ERMP1: variants seen among roughly 807,000 people sequenced by gnomAD.
ERMP1 encodes Felix-ina.
ERMP1 carries 86 observed loss-of-function variants against 92.0 expected under a neutral mutation model. That is an observed-to-expected ratio of 0.93 (90% CI 0.79 to 1.12). The LOEUF is 1.12. Among genes scored for constraint, ERMP1 ranks in the 50% most tolerant of loss-of-function variants. The pLI, the probability that ERMP1 is intolerant of heterozygous loss-of-function variation, is 0.00. For missense variants in ERMP1, 1,342 were observed against 1,116.3 expected, an observed-to-expected ratio of 1.20 and a Z score of -2.88; for synonymous variants, 530 against 412.8, an observed-to-expected ratio of 1.28 and a Z score of -3.44.
At chr9:5,859,086 G>A (rs543390866) in intron 6 of ERMP1, among the ~76,000 whole-genome samples, 26 of 152,346 alleles carry the variant, frequency 1.7e-4, no homozygotes, top group African/African-American at 5.8e-4. Flanking sequence ...CTAGCAAGAG[G>A]TGAATTTAGA....
intron 2 of ERMP1, among the ~76,000 whole-genome samples, chr9:5,829,777 C>T (rs1224517424): frequency 1.3e-5 from 2 of 152,216 alleles, no homozygotes; most frequent in Non-Finnish European, 2.9e-5. Context: ...ACTCCTGTAT[C>T]AAATGAGGGG....
At chr9:5,801,445 C>G in intron 10 of ERMP1, 117 bp from the exon 11 acceptor site, 2 of 913,266 alleles carry the variant, frequency 2.2e-6, no homozygotes. Flanking sequence ...GAAAATTTAT[C>G]AGCAGGTGCT....
At chr9:5,821,049 C>T (rs894438747) in intron 4 of ERMP1, among the ~76,000 whole-genome samples, 2 of 152,166 alleles carry the variant, frequency 1.3e-5, no homozygotes, top group Non-Finnish European at 2.9e-5. Context: ...GGGAAATAAT[C>T]TCTTCAAATC....
intron 13 of ERMP1, among the ~76,000 whole-genome samples, chr9:5,796,716 G>C (rs866528619): frequency 6.6e-6 from 1 of 152,136 alleles, no homozygotes; most frequent in African/African-American, 2.4e-5. Context: ...TTGCTAAGGA[G>C]AGTGGGAAGA....
intron 6 of ERMP1, among the ~76,000 whole-genome samples, chr9:5,853,718 G>T (rs1166359191): frequency 6.6e-6 from 1 of 151,186 alleles, no homozygotes; most frequent in Non-Finnish European, 1.5e-5. Context: ...TCAAACTCGA[G>T]CATGTGTTAG....
chr9:5,808,006 T>TA (rs1828934012), intron 8 of ERMP1, among the ~76,000 whole-genome samples: 1 of 152,064 alleles, frequency 6.6e-6, no homozygotes, highest in Non-Finnish European at 1.5e-5. Flanking sequence ...AAAAAAATAA[T>TA]AGAGATGTGG....
At chr9:5,844,257 T>C (rs191590308) in intron 6 of ERMP1, among the ~76,000 whole-genome samples, 14 of 152,008 alleles carry the variant, frequency 9.2e-5, no homozygotes, top group African/African-American at 2.2e-4. Flanking sequence ...GCAGAGAAGA[T>C]TTTGTGTTTT....
chr9:5,838,317 G>A (rs1321580124), intron 6 of ERMP1, among the ~76,000 whole-genome samples: 4 of 151,892 alleles, frequency 2.6e-5, no homozygotes, highest in South Asian at 2.1e-4. Context: ...CGAGGGGGGT[G>A]AATCACTTGA....
rs1829688241 is a variant in ERMP1, at chr9:5,825,197, G to A, written c.663C>T (p.Ser221=). The A allele has an allele frequency of 6.2e-7, 1 of 1,612,708 alleles. No individual in the cohort carries two copies. Among genetic ancestry groups the A allele is most frequent in the African/African-American group, 1.3e-5 (1 of 74,958 alleles). ...NSPGASDDAV[S]CSVMLEVLRV... ...GAAGGACTTCCAGCATCACTGAGCAGCTAACTGCATCATCACTGGCACCTT... is the reference window on the plus strand; with the variant it reads ...GAAGGACTTCCAGCATCACTGAGCAACTAACTGCATCATCACTGGCACCTT... Residue 221 remains serine (S), a synonymous_variant, in exon 3 of 15, where the codon AGC becomes AGT. Transcript: ENST00000339450.
intron 4 of ERMP1, among the ~76,000 whole-genome samples, chr9:5,818,871 TAACA>T (rs1343963376): frequency 5.3e-5 from 8 of 152,334 alleles, no homozygotes; most frequent in African/African-American, 1.9e-4. Flanking sequence ...ACATTCTCAC[TAACA>T]GTGTATGAAA....
In ERMP1 at chr9:5,830,903, T is replaced by C. The variant is rs757070166; in HGVS notation, c.464A>G (p.His155Arg). The C allele has an allele frequency of 9.9e-6, 16 of 1,614,198 alleles. No homozygotes were observed. Among genetic ancestry groups the C allele is most frequent in the Non-Finnish European group, 1.4e-5 (16 of 1,180,026 alleles). Reference protein sequence around the residue: ...KLIEVQSNSLHKISVDVQRPT... With the variant: ...KLIEVQSNSLRKISVDVQRPT... ...CCGTTGTACATCTACTGAAATCTTA[T>C]GAAGGCTGTTGCTTTGCACTTCAAT... The change falls in exon 2 of 15, where the codon CAT becomes CGT. Residue 155 changes from histidine (H) to arginine (R), a missense_variant. Transcript: ENST00000339450.
chr9:5,830,770 AG>A lies in ERMP1; in HGVS notation c.596del (p.Ala199ValfsTer11). ...KLEPRDGAQHAVLANCHFDSV... is the reference protein window; with the variant it reads ...KLEPRDGAQHXVLANCHFDSV... ...AGTCAAAATGACAATTAGCCAAGACAGCATGCTGGGCTCCATCTCTGGGTTC... is the reference window on the plus strand; with the variant it reads ...AGTCAAAATGACAATTAGCCAAGACACATGCTGGGCTCCATCTCTGGGTTC... On this transcript the variant is annotated frameshift_variant, in exon 2 of 15. Transcript: ENST00000339450. LOFTEE classifies it high-confidence loss of function. The A allele has an allele frequency of 6.2e-7, 1 of 1,614,136 alleles. No homozygotes were observed. The highest frequency in any genetic ancestry group is 1.1e-5 in the South Asian group (1 of 91,082).
intron 1 of ERMP1, chr9:5,832,397 G>A (rs970330609): frequency 4.9e-5 from 19 of 386,948 alleles, no homozygotes; most frequent in Admixed American, 1.4e-4. Context: ...ATGGGGAGAC[G>A]ACTCACAACC....
intron 6 of ERMP1, among the ~76,000 whole-genome samples, chr9:5,845,024 C>T (rs145816345): frequency 6.6e-6 from 1 of 152,246 alleles, no homozygotes; most frequent in Non-Finnish European, 1.5e-5. Context: ...AATGTCCCCC[C>T]ACCCCCGCCA....
chr9:5,801,488 AACTC>A lies in ERMP1; in HGVS notation c.1915-164_1915-161del, dbSNP rs1289838977. Among the ~76,000 whole-genome samples the A allele has an allele frequency of 1.4e-4, 22 of 152,322 alleles. No homozygotes were observed. The Middle Eastern group carries it at 0.01, about 71-fold the overall frequency. ...TCTAACATCTAGTAAACAAAGCACT[AACTC>A]TAGGAGATTTCCATTGCAGGTGAGA... On this transcript the variant is annotated intron_variant, in intron 10 of 14. Transcript: ENST00000339450.
chr9:5,816,898 C>CTTT (rs1158837649), intron 4 of ERMP1, among the ~76,000 whole-genome samples: 4 of 135,146 alleles, frequency 3.0e-5, no homozygotes, highest in Non-Finnish European at 4.8e-5. Context: ...AGAGCCTATG[C>CTTT]TTTTTTTTTT....
intron 9 of ERMP1, 97 bp from the exon 10 acceptor site, chr9:5,805,314 T>C: frequency 1.1e-6 from 1 of 912,616 alleles, no homozygotes; most frequent in Non-Finnish European, 1.6e-6. Context: ...TAACAGAAAT[T>C]AGGTTAGATG....
chr9:5,847,751 C>CAG (rs1378598108), intron 6 of ERMP1, among the ~76,000 whole-genome samples: 20 of 151,566 alleles, frequency 1.3e-4, no homozygotes, highest in Non-Finnish European at 2.5e-4. Context: ...AAAAATTAGC[C>CAG]GGGCGTGGTG....
At chr9:5,812,436 T>A (rs527943253) in intron 5 of ERMP1, among the ~76,000 whole-genome samples, 1 of 152,312 alleles carries the variant, frequency 6.6e-6, no homozygotes, top group African/African-American at 2.4e-5. Flanking sequence ...AAGAAGTATA[T>A]TACTCCACAG....
Sources: gnomAD v4.1 joint callset for allele counts (sites outside exome capture counted in the v4.1 genomes callset) on GRCh38, gnomAD v4.1.1 for gene constraint, MANE v1.5 for transcripts, NCBI Gene and HGNC (gene_info 2026-07-23, HGNC 2026-07-21) for gene names.